The following NAT8L variants were observed in gnomAD, a reference collection of about 807,000 sequenced individuals.
NAT8L encodes the protein N-acetylaspartate synthetase.
A neutral mutation model predicts 21.2 loss-of-function variants in NAT8L; 6 were observed. The ratio of observed to expected loss-of-function variants is 0.28; its 90% CI spans 0.16 to 0.56. The LOEUF (loss-of-function observed/expected upper bound fraction) is 0.56. Among genes scored for constraint, NAT8L ranks in the 20% least tolerant of loss-of-function variants. The probability of loss-of-function intolerance (pLI) is 0.93; values close to 1 mark genes in which losing one functional copy is unlikely to be tolerated. For missense variants in NAT8L, 331 were observed against 433.3 expected, an observed-to-expected ratio of 0.76 and a Z score of 2.10; for synonymous variants, 239 against 204.9, an observed-to-expected ratio of 1.17 and a Z score of -1.42.
chr4:2,063,065 G>A (rs1322306380), intron 2 of NAT8L, among the ~76,000 whole-genome samples: 6 of 152,256 alleles, frequency 3.9e-5, no homozygotes, highest in Admixed American at 1.3e-4. Flanking sequence ...GAATTGGGCC[G>A]TGCTGTGGAT....
chr4:2,061,904 C>T (rs770469503), intron 2 of NAT8L, among the ~76,000 whole-genome samples: 3 of 152,126 alleles, frequency 2.0e-5, no homozygotes, highest in African/African-American at 7.2e-5. Flanking sequence ...GTCAGGAGCC[C>T]GGTCAGTGTC....
In NAT8L at chr4:2,064,076, C is replaced by T; in HGVS notation, c.858C>T (p.Leu286=). ...PGMTLSLAER[L]FFQVRYHRYR... Reference sequence around the variant, plus strand: ...TGACCCTCTCGCTGGCTGAGCGCCTCTTCTTCCAGGTCCGCTACCACCGCT... The same window carrying T: ...TGACCCTCTCGCTGGCTGAGCGCCTTTTCTTCCAGGTCCGCTACCACCGCT... The change falls in exon 3 of 3, where the codon CTC becomes CTT. Residue 286 remains leucine, a synonymous_variant. Coordinates refer to ENST00000423729, the MANE Select transcript of NAT8L (RefSeq NM_178557.4). The T allele has an allele frequency of 1.2e-6, 2 of 1,608,234 alleles. No individual in the cohort carries two copies. The highest frequency in any genetic ancestry group is 1.7e-6 in the Non-Finnish European group (2 of 1,179,114).
In NAT8L at chr4:2,068,555, G is replaced by C. The variant is rs1730054781; in HGVS notation, c.*4428G>C. 6.6e-6 allele frequency: 1 copy of C among 152,228 alleles called. No homozygotes were observed. Among genetic ancestry groups the C allele is most frequent in the Non-Finnish European group, 1.5e-5 (1 of 68,122 alleles). The allele number at this position is 152,228 out of a possible 1,614,324, so 9.4% of individuals were successfully genotyped here. ...TGCGTATGAGTACTTGTGTGTGGCT[G>C]GTGTATGGGTGAGCATGCACATGTG... On this transcript the variant is annotated 3_prime_UTR_variant, in exon 3 of 3. Coordinates refer to ENST00000423729, the MANE Select transcript of NAT8L (RefSeq NM_178557.4).
rs1729813513 is a variant in NAT8L at position 2,059,670 on chromosome 4, C to T, written c.159C>T (p.Pro53=). 1.0e-6 allele frequency: 1 copy of T among 987,074 alleles called. No homozygotes were observed. The highest frequency in any genetic ancestry group is 1.2e-6 in the Non-Finnish European group (1 of 830,784). 61.1% of individuals were successfully genotyped at this position (987,074 alleles called of 1,614,324 possible). A position where few individuals can be genotyped will look rare whatever the true frequency, so the allele number is the denominator to read the frequency against. Residue 53 remains proline, a synonymous_variant, in exon 1 of 3, where the codon CCC becomes CCT. Transcript: ENST00000423729. The surrounding 1 kb of genome is among the most constrained non-coding windows in gnomAD (Gnocchi z 4.8). ...CGCCCGGGCCGGCCGCCGCGCCCCCCGCGCCCCCACCTGCCCCGGTGGCTC... is the reference window on the plus strand; with the variant it reads ...CGCCCGGGCCGGCCGCCGCGCCCCCTGCGCCCCCACCTGCCCCGGTGGCTC... The part of the protein sequence containing the change: ...PAAPGPAAAP[P]APPPAPVAQP...
In NAT8L at chr4:2,064,157, GCCGCCCTGT is replaced by G; in HGVS notation, c.*36_*44del. 1.4e-6 allele frequency: 2 copies of G among 1,474,956 alleles called. No homozygotes were observed. The highest frequency in any genetic ancestry group is 1.8e-6 in the Non-Finnish European group (2 of 1,110,508). 91.4% of individuals were successfully genotyped at this position (1,474,956 alleles called of 1,614,324 possible). On this transcript the variant is annotated 3_prime_UTR_variant, in exon 3 of 3. Transcript: ENST00000423729. The stretch of plus-strand genomic sequence containing the variant: ...CGCCGCTCGCCCGCCCGCCCCCCCG[GCCGCCCTGT>G]CCGCCTTTGCCCGCCTGCCCGCCGC...
At chr4:2,061,982 G>A (rs573616637) in intron 2 of NAT8L, among the ~76,000 whole-genome samples, 2 of 152,320 alleles carry the variant, frequency 1.3e-5, no homozygotes, top group Admixed American at 1.3e-4. Flanking sequence ...CTTGGTGCCT[G>A]CTGCTCTCCC....
intron 2 of NAT8L, among the ~76,000 whole-genome samples, chr4:2,063,551 C>T (rs1160149926): frequency 6.6e-6 from 1 of 152,200 alleles, no homozygotes; most frequent in Non-Finnish European, 1.5e-5. Context: ...GGGGCTCTAC[C>T]TGCTTGTCCT....
At chr4:2,061,387 G>A (rs374361781) in intron 2 of NAT8L, among the ~76,000 whole-genome samples, 22 of 152,350 alleles carry the variant, frequency 1.4e-4, no homozygotes, top group African/African-American at 4.8e-4. Flanking sequence ...GCCCTGCGAC[G>A]CAGTGGCTCC....
At position 2,060,946 on chromosome 4, in the gene NAT8L, C is replaced by G; in HGVS notation, c.377-52C>G. 1 of 1,102,252 alleles carries G rather than the reference C, an allele frequency of 9.1e-7. No homozygotes were observed. The highest frequency in any genetic ancestry group is 1.3e-6 in the Non-Finnish European group (1 of 785,862). 68.3% of individuals were successfully genotyped at this position (1,102,252 alleles called of 1,614,324 possible). A position where few individuals can be genotyped will look rare whatever the true frequency, so the allele number is the denominator to read the frequency against. On this transcript the variant is annotated intron_variant, in intron 1 of 2. Transcript: ENST00000423729. This position sits in a 1 kb window ranked among gnomAD's most constrained non-coding sequence, Gnocchi z 4.7. ...AGCGGGCTTCGCCGGGGTGGCGTCT[C>G]TGGGGCCTGGGGACCCCCGCCGCGC...
chr4:2,064,147 C>CG lies in NAT8L; in HGVS notation c.*21dup. 6.6e-7 allele frequency: 1 copy of CG among 1,511,458 alleles called. No homozygotes were observed. 93.6% of individuals were successfully genotyped at this position (1,511,458 alleles called of 1,614,324 possible). A position where few individuals can be genotyped will look rare whatever the true frequency, so the allele number is the denominator to read the frequency against. On this transcript the variant is annotated 3_prime_UTR_variant, in exon 3 of 3. Coordinates refer to ENST00000423729, the MANE Select transcript of NAT8L (RefSeq NM_178557.4). ...GAGTGACCGCCGCCGCTCGCCCGCC[C>CG]GCCCCCCCGGCCGCCCTGTCCGCCT...
At position 2,059,454 on chromosome 4, in the gene NAT8L, C is replaced by T. The variant is rs1292228001; in HGVS notation, c.-58C>T. 19 of 860,282 alleles carry T rather than the reference C, an allele frequency of 2.2e-5. No individual in the cohort carries two copies. The highest frequency in any genetic ancestry group is 5.7e-4 in the Middle Eastern group (1 of 1,762). 53.3% of individuals were successfully genotyped at this position (860,282 alleles called of 1,614,324 possible). On this transcript the variant is annotated 5_prime_UTR_variant, in exon 1 of 3. Coordinates refer to ENST00000423729, the MANE Select transcript of NAT8L (RefSeq NM_178557.4). The surrounding 1 kb of genome is among the most constrained non-coding windows in gnomAD (Gnocchi z 4.8). Reference sequence around the variant, plus strand: ...GGGCGCCGCGCCCTTGCCCTGGGCCCGGCCGTGCCCGCCGCCGCCCGGCCG... The same window carrying T: ...GGGCGCCGCGCCCTTGCCCTGGGCCTGGCCGTGCCCGCCGCCGCCCGGCCG...
In NAT8L at chr4:2,064,169, G is replaced by A. The variant is rs897953161; in HGVS notation, c.*42G>A. The A allele has an allele frequency of 1.2e-5, 15 of 1,250,936 alleles. No individual in the cohort carries two copies. Among genetic ancestry groups the A allele is most frequent in the Admixed American group, 8.6e-5 (2 of 23,212 alleles). The allele number at this position is 1,250,936 out of a possible 1,614,324, so 77.5% of individuals were successfully genotyped here. The stretch of plus-strand genomic sequence containing the variant: ...GCCCGCCCCCCCGGCCGCCCTGTCC[G>A]CCTTTGCCCGCCTGCCCGCCGCCCG... On this transcript the variant is annotated 3_prime_UTR_variant, in exon 3 of 3. Coordinates refer to ENST00000423729, the MANE Select transcript of NAT8L (RefSeq NM_178557.4).
intron 2 of NAT8L, among the ~76,000 whole-genome samples, chr4:2,061,863 A>C (rs1258037425): frequency 3.3e-5 from 5 of 152,082 alleles, no homozygotes; most frequent in Non-Finnish European, 5.9e-5. Flanking sequence ...CGAGAGGGAC[A>C]GAGTGTGGCC....
Position 2,065,153 on chromosome 4 carries a change from A to G in NAT8L, c.*1026A>G, listed in dbSNP as rs1729972140. On this transcript the variant is annotated 3_prime_UTR_variant, in exon 3 of 3. Coordinates refer to ENST00000423729, the MANE Select transcript of NAT8L (RefSeq NM_178557.4). ...TACCCTAAGACACAGTTTCTGGCCC[A>G]GTGTGATGGGGGTGGGTGGCCGGGT... is the stretch of plus-strand genomic sequence containing the variant. 6.6e-6 allele frequency: 1 copy of G among 152,386 alleles called. No individual in the cohort carries two copies. The highest frequency in any genetic ancestry group is 2.1e-4 in the South Asian group (1 of 4,828). 9.4% of individuals were successfully genotyped at this position (152,386 alleles called of 1,614,324 possible).
rs955561100 is a variant in NAT8L at position 2,067,034 on chromosome 4, T to A, written c.*2907T>A. 1.3e-5 allele frequency: 2 copies of A among 152,388 alleles called. No homozygotes were observed. Among genetic ancestry groups the A allele is most frequent in the African/African-American group, 4.8e-5 (2 of 41,458 alleles). 9.4% of individuals were successfully genotyped at this position (152,388 alleles called of 1,614,324 possible). A position where few individuals can be genotyped will look rare whatever the true frequency, so the allele number is the denominator to read the frequency against. ...CACTGCCCAGAGCCACGGGTCTTGC[T>A]GTGCTGGGGGTGGGGTGGCCCCAGG... On this transcript the variant is annotated 3_prime_UTR_variant, in exon 3 of 3. Coordinates refer to ENST00000423729, the MANE Select transcript of NAT8L (RefSeq NM_178557.4).
Position 2,059,845 on chromosome 4 carries a change from C to T in NAT8L, c.334C>T (p.Arg112Trp), listed in dbSNP as rs751173499. 8.0e-6 allele frequency: 11 copies of T among 1,381,690 alleles called. No individual in the cohort carries two copies. In the South Asian group the frequency reaches 1.1e-4, roughly 14 times the overall value. 85.6% of individuals were successfully genotyped at this position (1,381,690 alleles called of 1,614,324 possible). Residue 112 changes from arginine (R) to tryptophan (W), a missense_variant, in exon 1 of 3, where the codon CGG (arginine) becomes TGG (tryptophan). This residue lies in a region of NAT8L where 199 missense variants were observed against 196.1 expected (regional missense o/e 1.01). Coordinates refer to ENST00000423729, the MANE Select transcript of NAT8L (RefSeq NM_178557.4). The surrounding 1 kb of genome is among the most constrained non-coding windows in gnomAD (Gnocchi z 4.8). ...RIPNTAFRGL[R>W]QHPRAQLLYA... ...CCCTAACACGGCCTTCCGCGGCCTGCGGCAGCACCCGCGCGCGCAGCTGCT... is the reference window on the plus strand; with the variant it reads ...CCCTAACACGGCCTTCCGCGGCCTGTGGCAGCACCCGCGCGCGCAGCTGCT...
rs376673 is a variant in NAT8L at position 2,068,005 on chromosome 4, T to C, written c.*3878T>C. 150,757 of 152,574 alleles carry C rather than the reference T, an allele frequency of 0.99. 74,517 individuals carry two copies. The highest frequency in any genetic ancestry group is 1 in the East Asian group (5,188 of 5,188). The allele number at this position is 152,574 out of a possible 1,614,324, so 9.5% of individuals were successfully genotyped here. A position where few individuals can be genotyped will look rare whatever the true frequency, so the allele number is the denominator to read the frequency against. On this transcript the variant is annotated 3_prime_UTR_variant, in exon 3 of 3. Coordinates refer to ENST00000423729, the MANE Select transcript of NAT8L (RefSeq NM_178557.4). ...GGTGGCGTGATGCCTCCCGGGGCCA[T>C]GGTGGGGTGAAGGATGGCGAGCCGG...
chr4:2,061,219 G>T (rs1729853140), intron 2 of NAT8L, 57 bp downstream of exon 2: 4 of 1,600,768 alleles, frequency 2.5e-6, no homozygotes, highest in Non-Finnish European at 3.4e-6. Context: ...TCGGGGGCAC[G>T]CACTCCAGCG....
At position 2,061,113 on chromosome 4, in the gene NAT8L, G is replaced by C. The variant is rs769862104; in HGVS notation, c.492G>C (p.Ala164=). 3.7e-6 allele frequency: 6 copies of C among 1,611,562 alleles called. No homozygotes were observed. In the East Asian group the frequency reaches 1.1e-4, roughly 30 times the overall value. The stretch of plus-strand genomic sequence containing the variant: ...TGATCCGCGCCTACCTGGAGTGCGC[G>C]CTGCACACGGACATGGCGGACATCG... The part of the protein sequence containing the change: ...RKVIRAYLEC[A]LHTDMADIEQ... The change falls in exon 2 of 3, where the codon GCG becomes GCC. Residue 164 remains alanine (A), a synonymous_variant. Coordinates refer to ENST00000423729, the MANE Select transcript of NAT8L (RefSeq NM_178557.4).
Sources: gnomAD v4.1 joint callset for allele counts (sites outside exome capture counted in the v4.1 genomes callset) on GRCh38, gnomAD v4.1.1 for gene constraint, gnomAD v4.1.1 regional missense constraint, Gnocchi (gnomAD v3.1) non-coding constraint, MANE v1.5 for transcripts, NCBI Gene and HGNC (gene_info 2026-07-23, HGNC 2026-07-21) for gene names.